The following PPM1L variants were observed in gnomAD, a reference collection of about 807,000 sequenced individuals.
PPM1L encodes the protein protein phosphatase 1L.
PPM1L carries 13 observed loss-of-function variants against 31.4 expected under a neutral mutation model. The ratio of observed to expected loss-of-function variants is 0.41; its 90% confidence interval spans 0.27 to 0.66. The LOEUF is 0.66. Ranked by LOEUF, PPM1L falls within the 30% of genes least tolerant of loss-of-function variation. The probability of loss-of-function intolerance (pLI) is 0.29; values close to 1 mark genes in which losing one functional copy is unlikely to be tolerated. For synonymous variants in PPM1L, 184 were observed against 175.4 expected, an observed-to-expected ratio of 1.05 and a Z score of -0.39; for missense variants, 326 against 453.7, an observed-to-expected ratio of 0.72 and a Z score of 2.56.
At chr3:160,843,890 A>G (rs1453084100) in intron 1 of PPM1L, among the ~76,000 whole-genome samples, 1 of 152,214 alleles carries the variant, frequency 6.6e-6, no homozygotes, top group African/African-American at 2.4e-5. Flanking sequence ...CCAAATGTCC[A>G]ACAATGATAG....
intron 1 of PPM1L, among the ~76,000 whole-genome samples, chr3:160,933,481 T>C (rs1714853227): frequency 1.3e-5 from 2 of 152,204 alleles, no homozygotes; most frequent in Non-Finnish European, 2.9e-5. Flanking sequence ...TCTTCTTGTT[T>C]GTTGCATTTC....
chr3:161,060,808 T>A (rs1576624362), intron 2 of PPM1L, among the ~76,000 whole-genome samples: 1 of 151,792 alleles, frequency 6.6e-6, no homozygotes, highest in Non-Finnish European at 1.5e-5. Context: ...CTCTTTCAGA[T>A]TTGCAATTAA....
chr3:160,927,887 T>C (rs943259062), intron 1 of PPM1L, among the ~76,000 whole-genome samples: 1 of 152,126 alleles, frequency 6.6e-6, no homozygotes, highest in African/African-American at 2.4e-5. Context: ...ACATAGTGTG[T>C]AGTAGGTACC....
chr3:160,984,448 C>T (rs1342833953), intron 2 of PPM1L, among the ~76,000 whole-genome samples: 6 of 152,178 alleles, frequency 3.9e-5, no homozygotes, highest in Admixed American at 3.9e-4. Context: ...ATTGTTCAAA[C>T]ACACATGCTC....
rs979357540 is a variant in PPM1L, at chr3:161,070,551, A to G, written c.*1394A>G. 1.3e-5 allele frequency: 2 copies of G among 152,052 alleles called. No individual in the cohort carries two copies. The highest frequency in any genetic ancestry group is 6.6e-5 in the Admixed American group (1 of 15,260). 9.4% of individuals were successfully genotyped at this position (152,052 alleles called of 1,614,324 possible). ...GCTGCTCTCCATTTCCTGTATCGCT[A>G]ATTTATCATTTTTCCAACCTTGGTA... is the stretch of plus-strand genomic sequence containing the variant. On this transcript the variant is annotated 3_prime_UTR_variant, in exon 4 of 4. Coordinates refer to ENST00000498165, the MANE Select transcript of PPM1L (RefSeq NM_139245.4).
At chr3:161,014,805 C>A (rs1718026268) in intron 2 of PPM1L, among the ~76,000 whole-genome samples, 1 of 152,158 alleles carries the variant, frequency 6.6e-6, no homozygotes, top group Admixed American at 6.5e-5. Flanking sequence ...AGTATAAGCA[C>A]TAATGCTTCA....
chr3:160,777,579 G>A (rs1711599215), intron 1 of PPM1L, among the ~76,000 whole-genome samples: 1 of 152,044 alleles, frequency 6.6e-6, no homozygotes, highest in Admixed American at 6.6e-5. Context: ...CTGTGAATTT[G>A]ACTACTACTG....
chr3:161,004,069 A>G (rs1290313384), intron 2 of PPM1L, among the ~76,000 whole-genome samples: 1 of 143,744 alleles, frequency 7.0e-6, no homozygotes, highest in Non-Finnish European at 1.5e-5. Flanking sequence ...AATTTTGTCA[A>G]AGGCCTTTTC....
At chr3:160,873,930 C>G (rs1415668036) in intron 1 of PPM1L, among the ~76,000 whole-genome samples, 2 of 152,190 alleles carry the variant, frequency 1.3e-5, no homozygotes, top group African/African-American at 2.4e-5. Flanking sequence ...TAACCAGGCT[C>G]TAGTCTTATC....
chr3:160,876,573 G>A (rs980341723), intron 1 of PPM1L, among the ~76,000 whole-genome samples: 2 of 152,220 alleles, frequency 1.3e-5, no homozygotes, highest in Non-Finnish European at 2.9e-5. Context: ...AAGTGCTCCT[G>A]TTACTGCAGA....
chr3:160,821,109 G>A (rs551465010), intron 1 of PPM1L, among the ~76,000 whole-genome samples: 3 of 151,956 alleles, frequency 2.0e-5, no homozygotes, highest in African/African-American at 7.3e-5. Flanking sequence ...GGTGTGTGCT[G>A]TATGAGAATC....
At position 161,046,135 on chromosome 3, in the gene PPM1L, T is replaced by C. The variant is rs1486822369; in HGVS notation, c.575-19268T>C. ...CAAAAAAAAAAAAAAAAAAAAAAAA[T>C]CAATGAATACAGGAGCTGGTTTTTT... On this transcript the variant is annotated intron_variant, in intron 2 of 3. Transcript: ENST00000498165. Among the ~76,000 whole-genome samples the C allele has an allele frequency of 4.1e-4, 25 of 61,224 alleles. 1 individual carries two copies. Among genetic ancestry groups the C allele is most frequent in the Non-Finnish European group, 6.8e-4 (22 of 32,502 alleles). 40.2% of individuals were successfully genotyped at this position (61,224 alleles called of 152,430 possible). A position where few individuals can be genotyped will look rare whatever the true frequency, so the allele number is the denominator to read the frequency against.
At chr3:160,810,171 G>A (rs1041118843) in intron 1 of PPM1L, among the ~76,000 whole-genome samples, 4 of 151,890 alleles carry the variant, frequency 2.6e-5, no homozygotes, top group Non-Finnish European at 4.4e-5. Context: ...ATTGGCTTTT[G>A]CAGTTGGTCA....
At position 160,861,613 on chromosome 3, in the gene PPM1L, G is replaced by A. The variant is rs139607720; in HGVS notation, c.400-100123G>A. Among the ~76,000 whole-genome samples, 141 of 152,098 alleles carry A rather than the reference G, an allele frequency of 9.3e-4. 1 individual carries two copies. In the East Asian group the frequency reaches 0.026, roughly 28 times the overall value. On this transcript the variant is annotated intron_variant, in intron 1 of 3. Coordinates refer to ENST00000498165, the MANE Select transcript of PPM1L (RefSeq NM_139245.4). ...GGGGACAATAACAACCACCTAATAG[G>A]GTTGTTGTATGTATTGATGATGGTA...
chr3:160,804,516 C>G (rs533259280), intron 1 of PPM1L, among the ~76,000 whole-genome samples: 31 of 152,248 alleles, frequency 2.0e-4, no homozygotes, highest in African/African-American at 7.0e-4. Context: ...TAGTTCTTTA[C>G]TGAATAAATA....
chr3:161,017,091 G>A (rs895008543), intron 2 of PPM1L, among the ~76,000 whole-genome samples: 3 of 151,768 alleles, frequency 2.0e-5, no homozygotes, highest in Admixed American at 1.3e-4. Context: ...TTTCATTACT[G>A]TACTTAGAAA....
intron 2 of PPM1L, among the ~76,000 whole-genome samples, chr3:161,045,864 C>T (rs983538690): frequency 1.3e-5 from 2 of 152,008 alleles, no homozygotes; most frequent in African/African-American, 2.4e-5. Context: ...GTAATCCCAG[C>T]ACTTTGCGAG....
chr3:160,815,357 A>G (rs1712962415), intron 1 of PPM1L, among the ~76,000 whole-genome samples: 1 of 152,146 alleles, frequency 6.6e-6, no homozygotes, highest in African/African-American at 2.4e-5. Context: ...CTCCAAGCAC[A>G]ACTGTTCTCA....
Position 160,842,063 on chromosome 3 carries a change from G to A in PPM1L, c.399+85356G>A. 8.3e-6 allele frequency: 4 copies of A among 482,806 alleles called. No homozygotes were observed. In the South Asian group the frequency reaches 1.5e-4, roughly 18 times the overall value. The allele number at this position is 482,806 out of a possible 1,614,324, so 29.9% of individuals were successfully genotyped here. A position where few individuals can be genotyped will look rare whatever the true frequency, so the allele number is the denominator to read the frequency against. ...TTAAGACATAGAAATAAGATAAATAGGAGAGTTTATGATGAGCCCCAGATG... is the reference window on the plus strand; with the variant it reads ...TTAAGACATAGAAATAAGATAAATAAGAGAGTTTATGATGAGCCCCAGATG... On this transcript the variant is annotated intron_variant, in intron 1 of 3. Transcript: ENST00000498165.
Sources: gnomAD v4.1 joint callset for allele counts (sites outside exome capture counted in the v4.1 genomes callset) on GRCh38, gnomAD v4.1.1 for gene constraint, MANE v1.5 for transcripts, NCBI Gene and HGNC (gene_info 2026-07-23, HGNC 2026-07-21) for gene names.